The following DNAJC6 variants were observed in gnomAD, a reference collection of about 807,000 sequenced individuals.
DNAJC6 encodes auxilin.
DNAJC6 carries 34 observed loss-of-function variants against 110.0 expected under a neutral mutation model. That is an observed-to-expected ratio of 0.31 (90% CI 0.24 to 0.41). DNAJC6 has a LOEUF of 0.41. DNAJC6 is among the 10% of genes least tolerant of loss of function. The pLI is 1.00. For missense variants in DNAJC6, 1,031 were observed against 1,207.8 expected (o/e 0.85, Z 2.17); for synonymous variants, 406 against 437.2 (o/e 0.93, Z 0.89).
At chr1:65,295,596 G>T (rs1036315312) in intron 1 of DNAJC6, among the ~76,000 whole-genome samples, 4 of 152,124 alleles carry the variant, frequency 2.6e-5, no homozygotes, top group African/African-American at 9.7e-5. Context: ...AATTTAATAT[G>T]TACAGCCAAT....
At chr1:65,353,595 C>T (rs17401798) in intron 1 of DNAJC6, among the ~76,000 whole-genome samples, 2,328 of 152,262 alleles carry the variant, frequency 0.015, 39 homozygotes, top group Non-Finnish European at 0.023. Context: ...CTTTATTATA[C>T]GCAGAGTTCA....
intron 1 of DNAJC6, among the ~76,000 whole-genome samples, chr1:65,286,523 A>G (rs1654025368): frequency 6.6e-6 from 1 of 152,164 alleles, no homozygotes. Flanking sequence ...TTGGAACTAC[A>G]GGTATGAGTC....
chr1:65,277,269 C>A (rs1366190113), intron 1 of DNAJC6, among the ~76,000 whole-genome samples: 1 of 152,010 alleles, frequency 6.6e-6, no homozygotes, highest in African/African-American at 2.4e-5. Context: ...CTCTTTCTTG[C>A]CTTATTAAAA....
chr1:65,347,223 T>G (rs1645444782), intron 1 of DNAJC6, among the ~76,000 whole-genome samples: 1 of 152,130 alleles, frequency 6.6e-6, no homozygotes, highest in Non-Finnish European at 1.5e-5. Context: ...AAAACAGAAC[T>G]AAGAATGTAA....
At chr1:65,363,098 T>C (rs535266580) in intron 1 of DNAJC6, among the ~76,000 whole-genome samples, 1 of 152,098 alleles carries the variant, frequency 6.6e-6, no homozygotes, top group African/African-American at 2.4e-5. Context: ...AGGACGGAAG[T>C]GCCACATTTT....
chr1:65,315,347 A>G (rs1480225833), intron 1 of DNAJC6, among the ~76,000 whole-genome samples: 2 of 152,106 alleles, frequency 1.3e-5, no homozygotes, highest in Non-Finnish European at 2.9e-5. Context: ...TAAAAGGTTA[A>G]AAAAGAATTA....
chr1:65,295,405 C>T (rs1036016062), intron 1 of DNAJC6, among the ~76,000 whole-genome samples: 3 of 152,134 alleles, frequency 2.0e-5, no homozygotes, highest in African/African-American at 4.8e-5. Context: ...CTCAGACTTG[C>T]TCTTTCTGGT....
intron 1 of DNAJC6, among the ~76,000 whole-genome samples, chr1:65,298,594 C>CTT: frequency 6.8e-6 from 1 of 146,866 alleles, no homozygotes; most frequent in African/African-American, 2.5e-5. Flanking sequence ...CTGACCATGA[C>CTT]TTTTTTTTTT....
At position 65,411,726 on chromosome 1, in the gene DNAJC6, TG is replaced by T. The variant is rs3838397; in HGVS notation, c.2811+308del. ...GCTCATGCCTGTAATCCCAGCACTTTGGGGGGGGCAGGGTAGGCGAATCGCT... is the reference window on the plus strand; with the variant it reads ...GCTCATGCCTGTAATCCCAGCACTTTGGGGGGGCAGGGTAGGCGAATCGCT... On this transcript the variant is annotated intron_variant, in intron 18 of 18. Coordinates refer to ENST00000371069, the MANE Select transcript of DNAJC6 (RefSeq NM_001256864.2). 0.45 allele frequency among the ~76,000 whole-genome samples: 67,406 copies of T among 151,336 alleles called. 15,600 individuals are homozygous for T. Among genetic ancestry groups the T allele is most frequent in the East Asian group, 0.81 (4,177 of 5,132 alleles).
rs146413114 is a variant in DNAJC6 at position 65,392,071 on chromosome 1, C to T, written c.1469-360C>T. 4.5e-3 allele frequency among the ~76,000 whole-genome samples: 688 copies of T among 152,240 alleles called. 19 individuals are homozygous for T. The highest frequency in any genetic ancestry group is 0.037 in the Admixed American group (566 of 15,272). On this transcript the variant is annotated intron_variant, in intron 11 of 18. Transcript: ENST00000371069. The stretch of plus-strand genomic sequence containing the variant: ...GATTACAGGTGTGAACCACCACGCC[C>T]GGCCGTTAGGTACAATTTGTTATCC...
intron 1 of DNAJC6, among the ~76,000 whole-genome samples, chr1:65,358,767 T>G (rs1645571302): frequency 6.6e-6 from 1 of 152,198 alleles, no homozygotes; most frequent in African/African-American, 2.4e-5. Flanking sequence ...ATTCCCTTAC[T>G]ATTGAAAAAA....
At chr1:65,269,909 CAATGATG>C (rs1653451670) in intron 1 of DNAJC6, among the ~76,000 whole-genome samples, 1 of 152,214 alleles carries the variant, frequency 6.6e-6, no homozygotes, top group African/African-American at 2.4e-5. Context: ...CTGTTCCATT[CAATGATG>C]AATTAGCTCA....
At chr1:65,278,024 G>T (rs1453230783) in intron 1 of DNAJC6, among the ~76,000 whole-genome samples, 3 of 152,074 alleles carry the variant, frequency 2.0e-5, no homozygotes, top group Non-Finnish European at 4.4e-5. Context: ...CAGAAAAGAA[G>T]AAAAAAGTAT....
At chr1:65,386,208 A>G (rs995711777) in intron 7 of DNAJC6, among the ~76,000 whole-genome samples, 2 of 152,236 alleles carry the variant, frequency 1.3e-5, no homozygotes, top group African/African-American at 4.8e-5. Flanking sequence ...TGATGGGATT[A>G]GGTGAGGGTA....
intron 1 of DNAJC6, among the ~76,000 whole-genome samples, chr1:65,266,036 G>T (rs1389123411): frequency 6.6e-6 from 1 of 152,248 alleles, no homozygotes; most frequent in Non-Finnish European, 1.5e-5. Flanking sequence ...GGGCTTGGGT[G>T]CGCAGGTGGG....
At chr1:65,403,189 A>C (rs1170771782) in intron 15 of DNAJC6, among the ~76,000 whole-genome samples, 3 of 152,232 alleles carry the variant, frequency 2.0e-5, no homozygotes, top group Non-Finnish European at 4.4e-5. Context: ...GCACTACTTA[A>C]AGTGTTTTAC....
chr1:65,355,258 C>T (rs1180661491), intron 1 of DNAJC6, among the ~76,000 whole-genome samples: 1 of 127,420 alleles, frequency 7.8e-6, no homozygotes, highest in Non-Finnish European at 1.6e-5. Context: ...GAGCCACACC[C>T]TGTCTCAAAA....
intron 11 of DNAJC6, among the ~76,000 whole-genome samples, chr1:65,391,572 TGCTTTTG>T (rs1039369413): frequency 1.2e-4 from 19 of 152,270 alleles, no homozygotes; most frequent in Admixed American, 1.2e-3. Flanking sequence ...AGAAGGGATT[TGCTTTTG>T]GCTACAGGAC....
intron 1 of DNAJC6, among the ~76,000 whole-genome samples, chr1:65,322,680 A>G (rs894704529): frequency 3.3e-5 from 5 of 152,236 alleles, no homozygotes; most frequent in Non-Finnish European, 5.9e-5. Flanking sequence ...TAGATCCTGC[A>G]TTGTTGCTAA....
Sources: gnomAD v4.1 joint callset for allele counts (sites outside exome capture counted in the v4.1 genomes callset) on GRCh38, gnomAD v4.1.1 for gene constraint, MANE v1.5 for transcripts, NCBI Gene and HGNC (gene_info 2026-07-23, HGNC 2026-07-21) for gene names.